Variants in PCDH15 observed in about 807,000 individuals in gnomAD.
PCDH15 encodes protocadherin-15.
In PCDH15, 129 loss-of-function variants were observed where a neutral mutation model predicts 178.5. The observed-to-expected ratio is 0.72, with a 90% CI of 0.63 to 0.84. PCDH15 has a LOEUF of 0.84. PCDH15 is among the 40% of genes least tolerant of loss of function. PCDH15 has a pLI of 0.00. For missense variants in PCDH15, 2,230 were observed against 2,099.9 expected, an observed-to-expected ratio of 1.06 and a Z score of -1.21; for synonymous variants, 800 against 732.0, an observed-to-expected ratio of 1.09 and a Z score of -1.50.
chr10:54,708,691 T>G (rs2095393058), intron 1 of PCDH15, among the ~76,000 whole-genome samples: 1 of 152,052 alleles, frequency 6.6e-6, no homozygotes, highest in Non-Finnish European at 1.5e-5. Flanking sequence ...GGCCTCCTCT[T>G]AGGCCTAAAC....
At chr10:54,659,441 A>C (rs2094456674) in intron 2 of PCDH15, among the ~76,000 whole-genome samples, 1 of 152,168 alleles carries the variant, frequency 6.6e-6, no homozygotes, top group East Asian at 1.9e-4. Context: ...TTCTCAGATG[A>C]CAGAGGAAAT....
At chr10:55,505,423 C>G (rs1840740254) in intron 2 of PCDH15, among the ~76,000 whole-genome samples, 1 of 151,164 alleles carries the variant, frequency 6.6e-6, no homozygotes, top group South Asian at 2.1e-4. Flanking sequence ...AATAATAAGA[C>G]TAATATAAAA....
chr10:55,175,240 T>C (rs1360420274), intron 1 of PCDH15, among the ~76,000 whole-genome samples: 1 of 152,090 alleles, frequency 6.6e-6, no homozygotes. Context: ...CTATCCATGA[T>C]AGACTAGGGA....
At chr10:54,552,258 G>T (rs1290558763) in intron 2 of PCDH15, among the ~76,000 whole-genome samples, 13 of 151,936 alleles carry the variant, frequency 8.6e-5, no homozygotes, top group African/African-American at 3.1e-4. Flanking sequence ...TTATGCACTA[G>T]CTCCATTATG....
At chr10:54,793,780 T>G (rs1951675550) in intron 1 of PCDH15, among the ~76,000 whole-genome samples, 1 of 148,812 alleles carries the variant, frequency 6.7e-6, no homozygotes, top group Non-Finnish European at 1.5e-5. Flanking sequence ...AAAAATGAGC[T>G]GATGGTATAA....
At chr10:55,418,216 C>T (rs965426716) in intron 2 of PCDH15, among the ~76,000 whole-genome samples, 2 of 151,582 alleles carry the variant, frequency 1.3e-5, no homozygotes, top group African/African-American at 4.8e-5. Flanking sequence ...ACATTTATAG[C>T]CAACCTATGA....
chr10:55,060,727 T>C (rs1412463858), intron 2 of PCDH15, among the ~76,000 whole-genome samples: 1 of 152,028 alleles, frequency 6.6e-6, no homozygotes, highest in African/African-American at 2.4e-5. Context: ...TTTTATATGC[T>C]AAGAAGTTTC....
chr10:55,505,132 C>T (rs1840734214), intron 2 of PCDH15, among the ~76,000 whole-genome samples: 1 of 151,088 alleles, frequency 6.6e-6, no homozygotes, highest in Non-Finnish European at 1.5e-5. Context: ...AATGAGAAGA[C>T]ACAGGAAATG....
intron 1 of PCDH15, among the ~76,000 whole-genome samples, chr10:55,284,455 G>A (rs1413790850): frequency 6.6e-6 from 1 of 152,040 alleles, no homozygotes; most frequent in Non-Finnish European, 1.5e-5. Context: ...CTCAGAATCA[G>A]TGCTGTATTG....
At chr10:53,998,780 G>A (rs112965944) in intron 20 of PCDH15, among the ~76,000 whole-genome samples, 10 of 152,022 alleles carry the variant, frequency 6.6e-5, no homozygotes, top group African/African-American at 9.7e-5. Context: ...GGCTGGGCAC[G>A]GTGGCTCGCA....
chr10:55,260,720 T>C (rs1450438213), intron 1 of PCDH15, among the ~76,000 whole-genome samples: 2 of 152,224 alleles, frequency 1.3e-5, no homozygotes, highest in Non-Finnish European at 2.9e-5. Flanking sequence ...ACGTATGCCA[T>C]ATTTGCATTT....
chr10:55,377,351 T>A (rs1259221466), intron 2 of PCDH15, among the ~76,000 whole-genome samples: 1 of 151,920 alleles, frequency 6.6e-6, no homozygotes, highest in Non-Finnish European at 1.5e-5. Context: ...AAAAGAGAAC[T>A]ATCTTATAAA....
chr10:55,191,608 C>T (rs186135621), intron 1 of PCDH15, among the ~76,000 whole-genome samples: 5 of 151,936 alleles, frequency 3.3e-5, no homozygotes, highest in South Asian at 2.1e-4. Flanking sequence ...ATTATAACTA[C>T]ATTACAAGAT....
intron 1 of PCDH15, among the ~76,000 whole-genome samples, chr10:55,182,045 T>C (rs1164111726): frequency 6.6e-6 from 1 of 151,928 alleles, no homozygotes; most frequent in African/African-American, 2.4e-5. Flanking sequence ...CCGTGTCTTG[T>C]TCTCAGCAAA....
chr10:54,310,349 T>G (rs1253804917), intron 8 of PCDH15, among the ~76,000 whole-genome samples: 1 of 152,104 alleles, frequency 6.6e-6, no homozygotes, highest in Non-Finnish European at 1.5e-5. Context: ...GGAGGCCGGA[T>G]GCCGAGTTTA....
At chr10:54,879,989 C>T (rs1164078499) in intron 3 of PCDH15, among the ~76,000 whole-genome samples, 1 of 151,184 alleles carries the variant, frequency 6.6e-6, no homozygotes, top group Non-Finnish European at 1.5e-5. Context: ...CAGTTCTTCC[C>T]TATCTACACT....
chr10:54,307,028 A>ATATG lies in PCDH15; in HGVS notation c.876+10242_876+10243insCATA, dbSNP rs1367457752. ...TATATATATATACATATATATATAT[A>ATATG]TGTGTGTGTGTGTATATATATATAT... is the stretch of plus-strand genomic sequence containing the variant. On this transcript the variant is annotated intron_variant, in intron 8 of 37. Coordinates refer to ENST00000644397, the MANE Select transcript of PCDH15 (RefSeq NM_001384140.1). 7.5e-4 allele frequency among the ~76,000 whole-genome samples: 23 copies of ATATG among 30,726 alleles called. 1 individual carries two copies. The highest frequency in any genetic ancestry group is 1.9e-3 in the African/African-American group (16 of 8,272). 20.2% of individuals were successfully genotyped at this position (30,726 alleles called of 152,430 possible).
intron 25 of PCDH15, among the ~76,000 whole-genome samples, chr10:53,933,781 G>C (rs1490974111): frequency 1.3e-5 from 2 of 152,138 alleles, no homozygotes; most frequent in East Asian, 1.9e-4. Flanking sequence ...CTAGCTTACA[G>C]TCCCACCAAC....
At chr10:54,964,309 G>A (rs1273311738) in intron 2 of PCDH15, among the ~76,000 whole-genome samples, 1 of 152,182 alleles carries the variant, frequency 6.6e-6, no homozygotes, top group Non-Finnish European at 1.5e-5. Context: ...AACATTGCCA[G>A]AAGAACTGGC....
Sources: allele counts gnomAD v4.1 joint callset (sites outside exome capture counted in the v4.1 genomes callset), GRCh38; gene constraint gnomAD v4.1.1; transcripts MANE v1.5; gene names NCBI Gene and HGNC (gene_info 2026-07-23, HGNC 2026-07-21).